USH2A: variants seen among roughly 807,000 people sequenced by gnomAD.
USH2A encodes usherin.
Under a neutral mutation model 538.9 loss-of-function variants are expected in USH2A, and 443 were observed. The ratio of observed to expected loss-of-function variants is 0.82; its 90% CI spans 0.76 to 0.89. USH2A has a LOEUF of 0.89. Ranked by LOEUF, USH2A falls within the 40% of genes least tolerant of loss-of-function variation. USH2A has a pLI of 0.00. For missense variants in USH2A, 6,633 were observed against 6,324.8 expected, an observed-to-expected ratio of 1.05 and a Z score of -1.65; for synonymous variants, 2,413 against 2,273.5, an observed-to-expected ratio of 1.06 and a Z score of -1.75.
At chr1:215,671,945 T>G (rs2102662238) in intron 63 of USH2A, among the ~76,000 whole-genome samples, 1 of 152,116 alleles carries the variant, frequency 6.6e-6, no homozygotes, top group African/African-American at 2.4e-5. Context: ...TAAAACAGCC[T>G]CCCTTACATG....
chr1:215,833,399 G>A (rs1192530857), intron 47 of USH2A, among the ~76,000 whole-genome samples: 3 of 151,810 alleles, frequency 2.0e-5, no homozygotes, highest in Non-Finnish European at 2.9e-5. Flanking sequence ...CCTACAAAAC[G>A]TGTTTAAATT....
At chr1:215,887,818 G>A (rs932760553) in intron 41 of USH2A, among the ~76,000 whole-genome samples, 5 of 152,200 alleles carry the variant, frequency 3.3e-5, no homozygotes, top group African/African-American at 1.2e-4. Flanking sequence ...ATGGAAGCCT[G>A]TGTGTATTTA....
intron 35 of USH2A, among the ~76,000 whole-genome samples, chr1:215,981,424 T>C (rs934341534): frequency 4.1e-4 from 63 of 152,208 alleles, no homozygotes; most frequent in African/African-American, 1.4e-3. Flanking sequence ...TTTATTATTA[T>C]GAAACTACAT....
chr1:215,712,515 A>G (rs1659366611), intron 61 of USH2A, among the ~76,000 whole-genome samples: 1 of 152,206 alleles, frequency 6.6e-6, no homozygotes, highest in Admixed American at 6.5e-5. Flanking sequence ...GTCCAGGACT[A>G]AGTGAGGTAC....
At chr1:216,125,408 C>T (rs2033231456) in intron 21 of USH2A, among the ~76,000 whole-genome samples, 1 of 152,094 alleles carries the variant, frequency 6.6e-6, no homozygotes. Flanking sequence ...TAGACATACA[C>T]TGTTAGTATT....
At chr1:215,863,929 CT>C (rs1442937850) in intron 44 of USH2A, among the ~76,000 whole-genome samples, 1 of 152,120 alleles carries the variant, frequency 6.6e-6, no homozygotes, top group Non-Finnish European at 1.5e-5. Flanking sequence ...GGGGTGAGCT[CT>C]TGACAGACAG....
In USH2A at chr1:215,982,195, T is replaced by A. The variant is rs558123036; in HGVS notation, c.6805+10825A>T. 5.9e-5 allele frequency among the ~76,000 whole-genome samples: 9 copies of A among 152,318 alleles called. No individual in the cohort carries two copies. In the South Asian group the frequency reaches 1.7e-3, roughly 28 times the overall value. On this transcript the variant is annotated intron_variant, in intron 35 of 71. Coordinates refer to ENST00000307340, the MANE Select transcript of USH2A (RefSeq NM_206933.4). ...TAGCAAAACTCACTAAGCTTTCATT[T>A]CTTGACCAACAAAATGGGGTAATAT...
At chr1:216,146,847 T>G (rs1379957900) in intron 21 of USH2A, among the ~76,000 whole-genome samples, 1 of 152,158 alleles carries the variant, frequency 6.6e-6, no homozygotes, top group Non-Finnish European at 1.5e-5. Context: ...CTTTAGCCTG[T>G]GTCCTTAAGA....
At position 215,878,846 on chromosome 1, in the gene USH2A, G is replaced by C. The variant is rs1412515269; in HGVS notation, c.8476C>G (p.Pro2826Ala). ...THPTVPQNVGPLSVIPLSESY... is the reference protein window; with the variant it reads ...THPTVPQNVGALSVIPLSESY... The stretch of plus-strand genomic sequence containing the variant: ...TCACTTAGTGGAATCACAGACAATG[G>C]GCCAACATTCTGAGGTACGGTGGGG... The change falls in exon 42 of 72, where the codon CCA (proline) becomes GCA (alanine). Residue 2826 changes from proline (P) to alanine (A), a missense_variant. Pro to Ala is a conservative substitution (Grantham distance 27). Transcript: ENST00000307340. 1 of 1,613,818 alleles carries C rather than the reference G, an allele frequency of 6.2e-7. No individual in the cohort carries two copies. Among genetic ancestry groups the C allele is most frequent in the Non-Finnish European group, 8.5e-7 (1 of 1,179,942 alleles).
intron 44 of USH2A, among the ~76,000 whole-genome samples, chr1:215,854,544 C>T (rs530580413): frequency 1.6e-4 from 24 of 152,166 alleles, no homozygotes; most frequent in African/African-American, 4.3e-4. Flanking sequence ...TGCAGGCACA[C>T]AGTAAGTTTC....
At chr1:216,004,555 C>A (rs1668347691) in intron 32 of USH2A, among the ~76,000 whole-genome samples, 1 of 152,006 alleles carries the variant, frequency 6.6e-6, no homozygotes, top group Non-Finnish European at 1.5e-5. Flanking sequence ...TAAAGCCTGA[C>A]TTAAGTGGGC....
intron 14 of USH2A, among the ~76,000 whole-genome samples, chr1:216,222,707 G>A (rs559525432): frequency 5.3e-5 from 8 of 152,214 alleles, no homozygotes; most frequent in East Asian, 1.9e-4. Context: ...CGATGGGTGC[G>A]GTGGCTCACG....
intron 4 of USH2A, among the ~76,000 whole-genome samples, chr1:216,348,005 A>G (rs1368111539): frequency 6.6e-6 from 1 of 152,226 alleles, no homozygotes; most frequent in South Asian, 2.1e-4. Flanking sequence ...ATCTTTTAAA[A>G]CTTTTTGCTT....
chr1:215,674,414 G>T lies in USH2A; in HGVS notation c.13497C>A (p.Leu4499=), dbSNP rs1657928086. The change falls in exon 63 of 72, where the codon CTC becomes CTA. Residue 4499 remains leucine, a synonymous_variant. Transcript: ENST00000307340. ...GLETRYRDFT[L]TPGVEYSYTV... ...TGTAGCTATACTCCACACCTGGGGT[G>T]AGAGTAAAATCACGATAGCGTGTTT... 2 of 1,614,006 alleles carry T rather than the reference G, an allele frequency of 1.2e-6. No individual in the cohort carries two copies. Among genetic ancestry groups the T allele is most frequent in the African/African-American group, 1.3e-5 (1 of 74,916 alleles).
chr1:216,039,442 GAT>G (rs2030163003), intron 32 of USH2A, among the ~76,000 whole-genome samples: 5 of 151,922 alleles, frequency 3.3e-5, no homozygotes, highest in Admixed American at 3.3e-4. Context: ...GTGACTCATG[GAT>G]GAGACCGTCA....
chr1:215,939,919 G>T (rs1558172239), intron 37 of USH2A, among the ~76,000 whole-genome samples: 2 of 152,060 alleles, frequency 1.3e-5, no homozygotes. Context: ...TATTGCAAAG[G>T]TCAGCGTAGT....
At chr1:216,020,938 G>C (rs7519546) in intron 32 of USH2A, among the ~76,000 whole-genome samples, 6,386 of 152,176 alleles carry the variant, frequency 0.042, 377 homozygotes, top group African/African-American at 0.14. Flanking sequence ...GGGGTTGTGG[G>C]AACCCAAGAC....
intron 64 of USH2A, among the ~76,000 whole-genome samples, chr1:215,663,546 G>C (rs1306965344): frequency 6.6e-6 from 1 of 152,082 alleles, no homozygotes; most frequent in East Asian, 1.9e-4. Context: ...GGCAGTTCTT[G>C]CTTCTGGCTG....
rs587783023 is a variant in USH2A at position 216,246,980 on chromosome 1, C to G, written c.2414G>C (p.Gly805Ala). 76 of 1,613,880 alleles carry G rather than the reference C, an allele frequency of 4.7e-5. No homozygotes were observed. In the East Asian group the frequency reaches 1.6e-3, roughly 34 times the overall value. The change falls in exon 13 of 72, where the codon GGG becomes GCG. Residue 805 changes from glycine (G) to alanine (A), a missense_variant. Gly to Ala is a moderately conservative substitution (Grantham distance 60). Coordinates refer to ENST00000307340, the MANE Select transcript of USH2A (RefSeq NM_206933.4). ...CDCDTAGSLP[G>A]TVCNAKTGQC... ...CCCTGTCTTAGCATTACAGACAGTC[C>G]CAGGGAGGGATCCAGCTGTGTCACA...
Sources: allele counts gnomAD v4.1 joint callset (sites outside exome capture counted in the v4.1 genomes callset), GRCh38; gene constraint gnomAD v4.1.1; transcripts MANE v1.5; gene names NCBI Gene and HGNC (gene_info 2026-07-23, HGNC 2026-07-21).